The following GPAM variants were observed in gnomAD, a reference collection of about 807,000 sequenced individuals.
GPAM encodes glycerol-3-phosphate acyltransferase, mitochondrial, also known as glycerol-3-phosphate acyltransferase 1, mitochondrial.
A neutral mutation model predicts 105.0 loss-of-function variants in GPAM; 56 were observed. That is an observed-to-expected ratio of 0.53 (90% CI 0.43 to 0.67). The LOEUF is 0.67. Ranked by LOEUF, GPAM falls within the 30% of genes least tolerant of loss-of-function variation. GPAM has a pLI of 0.00. For missense variants in GPAM, 855 were observed against 989.8 expected (o/e 0.86, Z 1.83); for synonymous variants, 368 against 354.4 (o/e 1.04, Z -0.43).
intron 1 of GPAM, among the ~76,000 whole-genome samples, chr10:112,197,140 T>C (rs1157211699): frequency 6.6e-6 from 1 of 152,214 alleles, no homozygotes; most frequent in Non-Finnish European, 1.5e-5. Context: ...TCATTAACTG[T>C]TGAATAAATA....
chr10:112,160,874 G>C lies in GPAM; in HGVS notation c.1495-6C>G. The stretch of plus-strand genomic sequence containing the variant: ...AATGTGGAGAGATCAATTCCCTAAA[G>C]AAAGATGGAAACGGTATCATGATGG... On this transcript the variant is annotated splice_polypyrimidine_tract_variant and splice_region_variant and intron_variant, in intron 15 of 21. Transcript: ENST00000348367. 1 of 1,612,244 alleles carries C rather than the reference G, an allele frequency of 6.2e-7. No homozygotes were observed. Among genetic ancestry groups the C allele is most frequent in the Non-Finnish European group, 8.5e-7 (1 of 1,178,842 alleles).
chr10:112,153,866 T>C, intron 21 of GPAM, 200 bp from the exon 22 acceptor site: 1 of 455,908 alleles, frequency 2.2e-6, no homozygotes, highest in Admixed American at 4.3e-5. Flanking sequence ...GTTTTCTTTT[T>C]CTATTTTTTT....
At chr10:112,183,400 T>C (rs1847543633) in intron 1 of GPAM, among the ~76,000 whole-genome samples, 1 of 152,238 alleles carries the variant, frequency 6.6e-6, no homozygotes, top group Non-Finnish European at 1.5e-5. Context: ...GCGGGCTGGC[T>C]GGCGGCGCCT....
chr10:112,206,815 A>G (rs910632928), intron 1 of GPAM, among the ~76,000 whole-genome samples: 13 of 146,876 alleles, frequency 8.9e-5, no homozygotes, highest in African/African-American at 2.1e-4. Context: ...AACTTAAAGT[A>G]TAATAAAAAA....
chr10:112,198,975 T>A (rs1847758902), intron 1 of GPAM, among the ~76,000 whole-genome samples: 1 of 151,696 alleles, frequency 6.6e-6, no homozygotes, highest in African/African-American at 2.4e-5. Flanking sequence ...CAGGCTGGAG[T>A]GCAGTGGCAC....
At position 112,151,674 on chromosome 10, in the gene GPAM, A is replaced by G. The variant is rs879417776; in HGVS notation, c.*1876T>C. On this transcript the variant is annotated 3_prime_UTR_variant, in exon 22 of 22. Coordinates refer to ENST00000348367, the MANE Select transcript of GPAM (RefSeq NM_001244949.2). ...CAATGACAGGCAGGGCAGAGTGTCG[A>G]CTGGGAAGCGAGTCCCAATCTTGAA... The G allele has an allele frequency of 2.0e-6, 2 of 985,184 alleles. No homozygotes were observed. Among genetic ancestry groups the G allele is most frequent in the African/African-American group, 3.5e-5 (2 of 57,242 alleles). The allele number at this position is 985,184 out of a possible 1,614,324, so 61.0% of individuals were successfully genotyped here.
Position 112,149,891 on chromosome 10 carries a change from C to CA in GPAM, c.*3658dup. 2.0e-6 allele frequency: 2 copies of CA among 983,000 alleles called. No homozygotes were observed. The highest frequency in any genetic ancestry group is 2.4e-6 in the Non-Finnish European group (2 of 827,358). The allele number at this position is 983,000 out of a possible 1,614,324, so 60.9% of individuals were successfully genotyped here. ...ATGTTCAATTTTTGGTTTATTAAAA[C>CA]AAAACTACATTTTCTGTGTTTCTTG... On this transcript the variant is annotated 3_prime_UTR_variant, in exon 22 of 22. Transcript: ENST00000348367.
At chr10:112,216,755 C>T (rs961427458), upstream of GPAM, among the ~76,000 whole-genome samples, 2 of 152,020 alleles carry the variant, frequency 1.3e-5, no homozygotes, top group Admixed American at 1.3e-4. Context: ...TCCCAAGTAG[C>T]TGGGACTACA....
chr10:112,179,243 A>G (rs1420958281), intron 4 of GPAM, among the ~76,000 whole-genome samples: 1 of 152,234 alleles, frequency 6.6e-6, no homozygotes, highest in Non-Finnish European at 1.5e-5. Context: ...TGTCTGTTGT[A>G]CTATCTACCT....
chr10:112,184,297 C>CTG (rs532445577), upstream of GPAM, among the ~76,000 whole-genome samples: 504 of 152,206 alleles, frequency 3.3e-3, 2 homozygotes, highest in African/African-American at 0.012. Flanking sequence ...CCCCTTCGGA[C>CTG]TATATGTTAC....
At chr10:112,226,678 G>C in the GPAM span, among the ~76,000 whole-genome samples, 1 of 152,176 alleles carries the variant, frequency 6.6e-6, no homozygotes, top group Admixed American at 6.5e-5. Context: ...AGGTTGTGAG[G>C]GTTGAGAGAA....
rs1006168141 is a variant in GPAM, at chr10:112,161,009, C to T, written c.1495-141G>A. The T allele has an allele frequency of 1.2e-5, 9 of 721,944 alleles. No individual in the cohort carries two copies. The African/African-American group carries it at 1.4e-4, about 11-fold the overall frequency. 44.7% of individuals were successfully genotyped at this position (721,944 alleles called of 1,614,324 possible). On this transcript the variant is annotated intron_variant, in intron 15 of 21. Transcript: ENST00000348367. Reference sequence around the variant, plus strand: ...CACATAGAGAAGTAGGGCCAGAACACCAATGCAGAGCGAGTCAGAAAACTA... The same window carrying T: ...CACATAGAGAAGTAGGGCCAGAACATCAATGCAGAGCGAGTCAGAAAACTA...
At chr10:112,162,204 CAGAAAAATCT>C (rs1363912494) in intron 14 of GPAM, among the ~76,000 whole-genome samples, 1 of 152,186 alleles carries the variant, frequency 6.6e-6, no homozygotes, top group African/African-American at 2.4e-5. Context: ...GACTTGAAGT[CAGAAAAATCT>C]GGGCTCAAAT....
At chr10:112,154,198 C>G in intron 21 of GPAM, 1 of 205,444 alleles carries the variant, frequency 4.9e-6, no homozygotes, top group Non-Finnish European at 9.8e-6. Context: ...ATATGATGCT[C>G]AAAAGACATG....
chr10:112,177,381 T>TGATTCTCTTGCCTCACA (rs1225792970), intron 5 of GPAM, among the ~76,000 whole-genome samples: 3 of 152,214 alleles, frequency 2.0e-5, no homozygotes, highest in Non-Finnish European at 4.4e-5. Flanking sequence ...ATTTGGCTAC[T>TGATTCTCTTGCCTCACA]GATTCTCTTG....
At chr10:112,212,545 G>C (rs957960429) in intron 1 of GPAM, among the ~76,000 whole-genome samples, 2 of 152,160 alleles carry the variant, frequency 1.3e-5, no homozygotes, top group Non-Finnish European at 2.9e-5. Context: ...TTACAGGCAT[G>C]AGCCACCGTG....
intron 1 of GPAM, among the ~76,000 whole-genome samples, chr10:112,201,956 A>G (rs930428220): frequency 1.3e-5 from 2 of 152,244 alleles, no homozygotes; most frequent in Non-Finnish European, 2.9e-5. Flanking sequence ...TTTTTCAATT[A>G]ACTTGCACAA....
At chr10:112,154,523 C>T in intron 21 of GPAM, 106 bp downstream of exon 21, 1 of 829,008 alleles carries the variant, frequency 1.2e-6, no homozygotes, top group African/African-American at 1.7e-5. Context: ...CCAGCAGAAA[C>T]TGCTTCTCTC....
chr10:112,151,554 C>T lies in GPAM; in HGVS notation c.*1996G>A, dbSNP rs182022403. 1.0e-5 allele frequency: 10 copies of T among 985,518 alleles called. No individual in the cohort carries two copies. The highest frequency in any genetic ancestry group is 1.7e-5 in the African/African-American group (1 of 57,194). The allele number at this position is 985,518 out of a possible 1,614,324, so 61.0% of individuals were successfully genotyped here. On this transcript the variant is annotated 3_prime_UTR_variant, in exon 22 of 22. Transcript: ENST00000348367. ...CATTGCATTCCCCAAAGCATCTGAA[C>T]GTACTTCTAGAAAACAAACCAACCA...
Sources: allele counts gnomAD v4.1 joint callset (sites outside exome capture counted in the v4.1 genomes callset), GRCh38; gene constraint gnomAD v4.1.1; transcripts MANE v1.5; gene names NCBI Gene and HGNC (gene_info 2026-07-23, HGNC 2026-07-21).